The following PLEKHM3 variants were observed in gnomAD, a reference collection of about 807,000 sequenced individuals.
PLEKHM3 encodes pleckstrin homology domain containing M3, also known as pleckstrin homology domain-containing family M member 3.
In PLEKHM3, 45 loss-of-function variants were observed where a neutral mutation model predicts 81.8. The observed-to-expected ratio is 0.55, with a 90% confidence interval of 0.43 to 0.71. The LOEUF is 0.71. PLEKHM3 is among the 30% of genes least tolerant of loss of function. The pLI, the probability that PLEKHM3 is intolerant of heterozygous loss-of-function variation, is 0.00. For missense variants in PLEKHM3, 788 were observed against 924.3 expected (o/e 0.85, Z 1.91); for synonymous variants, 352 against 356.4 (o/e 0.99, Z 0.14).
intron 1 of PLEKHM3, among the ~76,000 whole-genome samples, chr2:208,007,293 C>T (rs1440560985): frequency 2.0e-5 from 3 of 152,090 alleles, no homozygotes; most frequent in African/African-American, 7.2e-5. Flanking sequence ...AGGTTGTGGC[C>T]GACTGAGAAT....
Position 207,828,348 on chromosome 2 carries a change from T to C in PLEKHM3, c.2257A>G (p.Met753Val), listed in dbSNP as rs757704818. 1.2e-5 allele frequency: 20 copies of C among 1,613,364 alleles called. No individual in the cohort carries two copies. The highest frequency in any genetic ancestry group is 1.5e-5 in the Non-Finnish European group (18 of 1,179,734). Residue 753 changes from methionine to valine, a missense_variant, in exon 8 of 8, where the codon ATG (methionine) becomes GTG (valine). Met to Val is a conservative substitution (Grantham distance 21, BLOSUM62 1). Coordinates refer to ENST00000427836, the MANE Select transcript of PLEKHM3 (RefSeq NM_001080475.3). ...MDESLEEACT[M>V]FELSYQNT ...GTGTTCTGGTAGGACAGCTCGAACA[T>C]GGTGCAAGCCTCCTCTAGACTCTCG...
At chr2:207,977,629 A>T in intron 2 of PLEKHM3, 43 bp from the exon 3 acceptor site, 1 of 1,514,566 alleles carries the variant, frequency 6.6e-7, no homozygotes, top group South Asian at 1.3e-5. Context: ...AGAATTAGTT[A>T]TAAGAAGGCA....
intron 4 of PLEKHM3, among the ~76,000 whole-genome samples, chr2:207,932,218 G>A (rs1207686049): frequency 3.9e-5 from 6 of 152,152 alleles, no homozygotes; most frequent in East Asian, 3.9e-4. Context: ...GACTATGAAA[G>A]TTCATTTTAT....
intron 7 of PLEKHM3, among the ~76,000 whole-genome samples, chr2:207,835,819 G>A (rs560202277): frequency 2.1e-4 from 32 of 152,228 alleles, no homozygotes; most frequent in Admixed American, 2.1e-3. Flanking sequence ...ATCCTTATCA[G>A]TGCCTCTTCT....
intron 3 of PLEKHM3, among the ~76,000 whole-genome samples, chr2:207,952,362 G>A (rs1245046689): frequency 6.6e-6 from 1 of 152,176 alleles, no homozygotes; most frequent in Non-Finnish European, 1.5e-5. Context: ...TGTGTAAAAT[G>A]TTGCTTGAAG....
intron 3 of PLEKHM3, among the ~76,000 whole-genome samples, chr2:207,955,653 C>CA (rs1470250303): frequency 6.6e-6 from 1 of 152,124 alleles, no homozygotes; most frequent in Non-Finnish European, 1.5e-5. Flanking sequence ...TAATTCTGTC[C>CA]ACTGTTGTAC....
At chr2:207,841,381 C>A (rs1357249384) in intron 7 of PLEKHM3, among the ~76,000 whole-genome samples, 1 of 141,914 alleles carries the variant, frequency 7.0e-6, no homozygotes, top group Non-Finnish European at 1.5e-5. Context: ...GCGATAATCG[C>A]TTCAACCTGG....
chr2:207,954,347 C>T (rs1339653377), intron 3 of PLEKHM3, among the ~76,000 whole-genome samples: 1 of 152,136 alleles, frequency 6.6e-6, no homozygotes, highest in Non-Finnish European at 1.5e-5. Context: ...CAGAACGAGA[C>T]CCTGTCTCTA....
chr2:207,858,981 C>T (rs1156431120), intron 7 of PLEKHM3, among the ~76,000 whole-genome samples: 2 of 152,130 alleles, frequency 1.3e-5, no homozygotes, highest in East Asian at 1.9e-4. Flanking sequence ...AAGCCCTAGA[C>T]AACCGCTAAT....
chr2:207,935,623 A>G (rs1341468531), intron 4 of PLEKHM3, among the ~76,000 whole-genome samples: 2 of 152,254 alleles, frequency 1.3e-5, no homozygotes, highest in East Asian at 1.9e-4. Context: ...TGTATTTAAT[A>G]GAAGAGAAAA....
chr2:207,887,332 C>G (rs983970625), intron 6 of PLEKHM3, among the ~76,000 whole-genome samples: 1 of 152,062 alleles, frequency 6.6e-6, no homozygotes, highest in Non-Finnish European at 1.5e-5. Context: ...TTTACTTGAC[C>G]AACAGCAAGT....
intron 6 of PLEKHM3, among the ~76,000 whole-genome samples, chr2:207,877,517 A>G (rs2092565206): frequency 6.6e-6 from 1 of 152,198 alleles, no homozygotes; most frequent in African/African-American, 2.4e-5. Context: ...GACTAATTGA[A>G]GAAAAAGGAT....
chr2:207,876,268 C>T (rs2092559415), intron 6 of PLEKHM3, among the ~76,000 whole-genome samples: 1 of 151,530 alleles, frequency 6.6e-6, no homozygotes, highest in South Asian at 2.1e-4. Flanking sequence ...ACTTTTATAA[C>T]AAATATTTAA....
At chr2:207,881,037 T>C (rs2105850786) in intron 6 of PLEKHM3, among the ~76,000 whole-genome samples, 1 of 151,700 alleles carries the variant, frequency 6.6e-6, no homozygotes, top group East Asian at 1.9e-4. Flanking sequence ...ACTCTGAATA[T>C]AGTAGATCCT....
intron 3 of PLEKHM3, among the ~76,000 whole-genome samples, chr2:207,946,779 T>C (rs1289860985): frequency 6.6e-6 from 1 of 152,222 alleles, no homozygotes; most frequent in Non-Finnish European, 1.5e-5. Context: ...CTCTTCTGCA[T>C]ACAGCTGCCA....
At chr2:208,015,800 C>A (rs571363031) in intron 1 of PLEKHM3, among the ~76,000 whole-genome samples, 110 of 152,316 alleles carry the variant, frequency 7.2e-4, no homozygotes, top group Non-Finnish European at 1.2e-3. Context: ...CTTAAAACAA[C>A]CTGCAAACAA....
At chr2:207,994,001 G>A (rs940833668) in intron 2 of PLEKHM3, among the ~76,000 whole-genome samples, 8 of 152,028 alleles carry the variant, frequency 5.3e-5, no homozygotes, top group African/African-American at 1.7e-4. Context: ...ATGAGTCAGG[G>A]TCAATTCAAA....
At chr2:207,967,524 A>G (rs1690958821) in intron 3 of PLEKHM3, among the ~76,000 whole-genome samples, 1 of 152,212 alleles carries the variant, frequency 6.6e-6, no homozygotes, top group Non-Finnish European at 1.5e-5. Context: ...CATTCCGCAT[A>G]TTAGCTCTCC....
chr2:207,940,746 G>A (rs1257983662), intron 4 of PLEKHM3, among the ~76,000 whole-genome samples: 1 of 152,202 alleles, frequency 6.6e-6, no homozygotes, highest in African/African-American at 2.4e-5. Flanking sequence ...ATGGGGAATG[G>A]TGAGGAGCAA....
Sources: allele counts gnomAD v4.1 joint callset (sites outside exome capture counted in the v4.1 genomes callset), GRCh38; gene constraint gnomAD v4.1.1; transcripts MANE v1.5; gene names NCBI Gene and HGNC (gene_info 2026-07-23, HGNC 2026-07-21).